FBN3: variants seen among roughly 807,000 people sequenced by gnomAD.
The protein encoded by FBN3 is fibrillin 3.
In FBN3, 234 loss-of-function variants were observed where a neutral mutation model predicts 330.1. The observed-to-expected ratio is 0.71, with a 90% CI of 0.64 to 0.79. FBN3 has a LOEUF of 0.79. Among genes scored for constraint, FBN3 ranks in the 30% least tolerant of loss-of-function variants. The pLI, the probability that FBN3 is intolerant of heterozygous loss-of-function variation, is 0.00. For missense variants in FBN3, 3,606 were observed against 3,886.9 expected (o/e 0.93, Z 1.92); for synonymous variants, 1,458 against 1,517.3 (o/e 0.96, Z 0.91).
chr19:8,093,256 G>A (rs1043845862), intron 47 of FBN3, among the ~76,000 whole-genome samples: 1 of 152,084 alleles, frequency 6.6e-6, no homozygotes, highest in Non-Finnish European at 1.5e-5. Flanking sequence ...GGTAGGCTGA[G>A]GTGGGAGGAT....
intron 41 of FBN3, among the ~76,000 whole-genome samples, chr19:8,098,919 A>G (rs1203323990): frequency 3.3e-5 from 5 of 152,126 alleles, no homozygotes; most frequent in African/African-American, 1.2e-4. Context: ...GGGGGACTGG[A>G]AATTACCTAA....
Position 8,103,626 on chromosome 19 carries a change from C to T in FBN3, c.4875G>A (p.Leu1625=). 9 of 1,613,626 alleles carry T rather than the reference C, an allele frequency of 5.6e-6. No individual in the cohort carries two copies. The highest frequency in any genetic ancestry group is 7.6e-6 in the Non-Finnish European group (9 of 1,179,702). ...CAGGGCAGACACAGGTGTAGTTCCC[C>T]AGGGTGTTGTAGCAGGTGCCAGGGC... ...ICGPGTCYNT[L]GNYTCVCPAE... Residue 1625 remains leucine, a synonymous_variant, in exon 39 of 64, where the codon CTG becomes CTA. Transcript: ENST00000600128.
At chr19:8,099,558 G>A (rs561737644) in intron 41 of FBN3, among the ~76,000 whole-genome samples, 303 of 152,052 alleles carry the variant, frequency 2.0e-3, no homozygotes, top group African/African-American at 6.7e-3. Context: ...GGGATTACAG[G>A]TGTGAGCCAC....
Position 8,149,201 on chromosome 19 carries a change from G to C in FBN3, c.-18+248C>G, listed in dbSNP as rs1390869190. Among the ~76,000 whole-genome samples, 1 of 151,850 alleles carries C rather than the reference G, an allele frequency of 6.6e-6. No homozygotes were observed. Among genetic ancestry groups the C allele is most frequent in the Middle Eastern group, 3.2e-3 (1 of 314 alleles). On this transcript the variant is annotated intron_variant, in intron 1 of 63. Coordinates refer to ENST00000600128, the MANE Select transcript of FBN3 (RefSeq NM_032447.5). This position sits in a 1 kb window ranked among gnomAD's most constrained non-coding sequence, Gnocchi z 5.5. ...CCCGGCCGCGACCACGCTTGGCTCC[G>C]CCCTCACCTGTGGGGTCAGGGGCCC...
At chr19:8,067,368 C>T (rs768353647) in intron 63 of FBN3, among the ~76,000 whole-genome samples, 5 of 152,100 alleles carry the variant, frequency 3.3e-5, no homozygotes, top group Admixed American at 1.3e-4. Flanking sequence ...TCAAGTGATC[C>T]GCTCACCTCA....
chr19:8,077,939 T>C (rs1229698207), intron 59 of FBN3, among the ~76,000 whole-genome samples: 1 of 150,118 alleles, frequency 6.7e-6, no homozygotes, highest in Non-Finnish European at 1.5e-5. Context: ...TAGCCGGGCG[T>C]GGTGGCACAC....
chr19:8,100,418 AC>A (rs1422001837), intron 41 of FBN3, among the ~76,000 whole-genome samples: 2 of 151,872 alleles, frequency 1.3e-5, no homozygotes, highest in East Asian at 3.9e-4. Context: ...GCTCACTGCA[AC>A]CTTTGCCTCC....
At chr19:8,138,057 A>C in intron 10 of FBN3, 84 bp downstream of exon 10, 1 of 1,421,996 alleles carries the variant, frequency 7.0e-7, no homozygotes. Flanking sequence ...AGGCCTGGAC[A>C]CCGTCCCCTG....
At chr19:8,094,212 C>G (rs931729332) in intron 47 of FBN3, among the ~76,000 whole-genome samples, 6 of 152,212 alleles carry the variant, frequency 3.9e-5, no homozygotes, top group East Asian at 1.9e-4. Flanking sequence ...TGAGACCCCA[C>G]ACCCATGTCA....
intron 40 of FBN3, among the ~76,000 whole-genome samples, 169 bp downstream of exon 40, chr19:8,102,555 A>G (rs2082349747): frequency 6.6e-6 from 1 of 152,136 alleles, no homozygotes; most frequent in Non-Finnish European, 1.5e-5. Flanking sequence ...AGTATCCAGT[A>G]TTTCTTCACA....
At chr19:8,140,109 C>T (rs1402249477) in intron 8 of FBN3, among the ~76,000 whole-genome samples, 1 of 152,162 alleles carries the variant, frequency 6.6e-6, no homozygotes, top group Non-Finnish European at 1.5e-5. Flanking sequence ...ACTCGATTTC[C>T]CAATCTCAGG....
At position 8,110,838 on chromosome 19, in the gene FBN3, C is replaced by T. The variant is rs766541500; in HGVS notation, c.4333+7G>A. ...CCTCTCCCCTTCCAGCCCAGATGAC[C>T]TCACACCTGTGCAGTTGCCACCCCC... On this transcript the variant is annotated splice_region_variant and intron_variant, in intron 34 of 63. Coordinates refer to ENST00000600128, the MANE Select transcript of FBN3 (RefSeq NM_032447.5). 3 of 1,614,230 alleles carry T rather than the reference C, an allele frequency of 1.9e-6. No individual in the cohort carries two copies. The highest frequency in any genetic ancestry group is 8.5e-7 in the Non-Finnish European group (1 of 1,180,038).
chr19:8,097,488 C>A, intron 41 of FBN3, 74 bp from the exon 42 acceptor site: 1 of 1,489,634 alleles, frequency 6.7e-7, no homozygotes, highest in South Asian at 1.3e-5. Flanking sequence ...AAGGGACCCA[C>A]TAGCCCTGCA....
intron 62 of FBN3, 132 bp from the exon 63 acceptor site, chr19:8,072,330 T>C (rs2081534303): frequency 2.1e-6 from 2 of 950,228 alleles, no homozygotes; most frequent in South Asian, 1.7e-5. Context: ...CCTCTGAGCA[T>C]GTGCTGGTGT....
At chr19:8,093,733 G>A (rs554785784) in intron 47 of FBN3, among the ~76,000 whole-genome samples, 1 of 152,328 alleles carries the variant, frequency 6.6e-6, no homozygotes, top group South Asian at 2.1e-4. Context: ...GTTGCAGTGA[G>A]CTGAGAGTGA....
At position 8,102,987 on chromosome 19, in the gene FBN3, C is replaced by T. The variant is rs112431816; in HGVS notation, c.4940-114G>A. 2.3e-3 allele frequency: 2,704 copies of T among 1,159,762 alleles called. 10 individuals are homozygous for T. The highest frequency in any genetic ancestry group is 7.6e-3 in the Middle Eastern group (35 of 4,578). The allele number at this position is 1,159,762 out of a possible 1,614,324, so 71.8% of individuals were successfully genotyped here. A position where few individuals can be genotyped will look rare whatever the true frequency, so the allele number is the denominator to read the frequency against. On this transcript the variant is annotated intron_variant, in intron 39 of 63. Coordinates refer to ENST00000600128, the MANE Select transcript of FBN3 (RefSeq NM_032447.5). ...ATTCATTTGAAGATTACTGGCTTGT[C>T]CAGGCACAGTGGCTCATGCCTGTAA... is the stretch of plus-strand genomic sequence containing the variant.
chr19:8,110,937 C>CAG lies in FBN3; in HGVS notation c.4239_4240dup (p.Cys1414SerfsTer41). The CAG allele has an allele frequency of 6.2e-7, 1 of 1,614,278 alleles. No individual in the cohort carries two copies. Among genetic ancestry groups the CAG allele is most frequent in the African/African-American group, 1.3e-5 (1 of 75,076 alleles). On this transcript the variant is annotated frameshift_variant, in exon 34 of 64. Transcript: ENST00000600128. LOFTEE classifies it high-confidence loss of function. ...CAGGTTCTCACAGCTCCCAAATGCA[C>CAG]AGAGGTTCCCTTGCGCACACTCGTC... is the stretch of plus-strand genomic sequence containing the variant.
chr19:8,116,700 G>T lies in FBN3; in HGVS notation c.3686C>A (p.Ala1229Asp), dbSNP rs762067192. ...HRCLCYDGFM[A>D]TPDMRTCVDV... ...AACACATGTCCTCATGTCTGGCGTGGCCATGAAGCCATCATAGCACAGGCA... is the reference window on the plus strand; with the variant it reads ...AACACATGTCCTCATGTCTGGCGTGTCCATGAAGCCATCATAGCACAGGCA... Residue 1229 changes from alanine to aspartate, a missense_variant, in exon 29 of 64, where the codon GCC (alanine) becomes GAC (aspartate). Ala to Asp is a moderately radical substitution (Grantham distance 126). Coordinates refer to ENST00000600128, the MANE Select transcript of FBN3 (RefSeq NM_032447.5). 6.2e-7 allele frequency: 1 copy of T among 1,614,052 alleles called. No homozygotes were observed. The highest frequency in any genetic ancestry group is 1.1e-5 in the South Asian group (1 of 91,080).
At chr19:8,135,935 T>TAGG in intron 13 of FBN3, 26 bp downstream of exon 13, 2 of 1,344,156 alleles carry the variant, frequency 1.5e-6, no homozygotes, top group Non-Finnish European at 2.0e-6. Context: ...CGGAAGCCCC[T>TAGG]GCCCACCCGC....
Sources: allele counts gnomAD v4.1 joint callset (sites outside exome capture counted in the v4.1 genomes callset), GRCh38; gene constraint gnomAD v4.1.1; non-coding constraint Gnocchi (gnomAD v3.1); transcripts MANE v1.5; gene names NCBI Gene and HGNC (gene_info 2026-07-23, HGNC 2026-07-21).